Variants in LANCL1 observed in about 807,000 individuals in gnomAD.
LANCL1 encodes glutathione S-transferase LANCL1.
A neutral mutation model predicts 50.6 loss-of-function variants in LANCL1; 50 were observed. The observed-to-expected ratio is 0.99, with a 90% CI of 0.79 to 1.25. The LOEUF (loss-of-function observed/expected upper bound fraction) is 1.25, where lower values mean the gene tolerates loss of function less well. LANCL1 is among the 50% of genes most tolerant of loss of function. The pLI is 0.00. For missense variants in LANCL1, 532 were observed against 480.7 expected, an observed-to-expected ratio of 1.11 and a Z score of -1.00; for synonymous variants, 188 against 178.6, an observed-to-expected ratio of 1.05 and a Z score of -0.42.
At chr2:210,441,167 G>T in intron 5 of LANCL1, 141 bp downstream of exon 5, 1 of 813,016 alleles carries the variant, frequency 1.2e-6, no homozygotes. Flanking sequence ...TTGGTTCTTG[G>T]ACTGTGCCCA....
chr2:210,459,079 T>G (rs1450672791), intron 3 of LANCL1, among the ~76,000 whole-genome samples: 7 of 152,158 alleles, frequency 4.6e-5, no homozygotes, highest in Admixed American at 4.6e-4. Context: ...TCCCTTCATC[T>G]TCTCTTCTAG....
intron 2 of LANCL1, among the ~76,000 whole-genome samples, chr2:210,474,386 G>T (rs1694298685): frequency 1.3e-5 from 2 of 152,084 alleles, no homozygotes; most frequent in African/African-American, 2.4e-5. Flanking sequence ...TCTTGGGTCA[G>T]GGTTTAAATT....
intron 6 of LANCL1, among the ~76,000 whole-genome samples, chr2:210,439,475 G>T (rs1298054879): frequency 6.6e-6 from 1 of 151,206 alleles, no homozygotes; most frequent in Non-Finnish European, 1.5e-5. Context: ...TGAAACTTCA[G>T]AAGACTCTTC....
chr2:210,474,475 G>C (rs1694300808), intron 2 of LANCL1, among the ~76,000 whole-genome samples: 1 of 151,922 alleles, frequency 6.6e-6, no homozygotes, highest in African/African-American at 2.4e-5. Flanking sequence ...CGGCACTTTG[G>C]GAGGCTGAGA....
At chr2:210,438,644 T>C (rs930025929) in intron 6 of LANCL1, among the ~76,000 whole-genome samples, 1 of 152,114 alleles carries the variant, frequency 6.6e-6, no homozygotes, top group African/African-American at 2.4e-5. Flanking sequence ...GTATTTTCAA[T>C]AGAAAAAGGA....
intron 4 of LANCL1, chr2:210,442,397 T>A (rs1693169456): frequency 3.9e-5 from 6 of 152,224 alleles, no homozygotes; most frequent in African/African-American, 1.2e-4. Context: ...CAATACATCT[T>A]GACAATGGTT....
chr2:210,467,016 C>G (rs985366792), intron 3 of LANCL1, among the ~76,000 whole-genome samples: 11 of 152,008 alleles, frequency 7.2e-5, no homozygotes, highest in Admixed American at 7.2e-4. Flanking sequence ...AGCTAATAGA[C>G]GCCACACCAG....
chr2:210,446,844 A>T (rs1285309493), intron 4 of LANCL1, among the ~76,000 whole-genome samples: 1 of 151,966 alleles, frequency 6.6e-6, no homozygotes, highest in East Asian at 1.9e-4. Context: ...CCAAGAAATA[A>T]CGGACTATGT....
In LANCL1 at chr2:210,437,771, A is replaced by C. The variant is rs1391745618; in HGVS notation, c.792T>G (p.Cys264Trp). 1.2e-6 allele frequency: 2 copies of C among 1,613,478 alleles called. No individual in the cohort carries two copies. Among genetic ancestry groups the C allele is most frequent in the Non-Finnish European group, 1.7e-6 (2 of 1,179,674 alleles). ...LKFPSGNYPP[C>W]IGDNRDLLVH... ...CAAGCAGATCTCGATTATCACCTAT[A>C]CATGGAGGGTAATTGCCAGAAGGGA... Residue 264 changes from cysteine (C) to tryptophan (W), a missense_variant, in exon 7 of 10, where the codon TGT becomes TGG. By Grantham distance (215) the Cys-to-Trp change is radical (BLOSUM62 -2). Coordinates refer to ENST00000450366, the MANE Select transcript of LANCL1 (RefSeq NM_006055.3).
Position 210,436,353 on chromosome 2 carries a change from A to G in LANCL1, c.913T>C (p.Cys305Arg), listed in dbSNP as rs200558329. The G allele has an allele frequency of 1.7e-5, 28 of 1,614,052 alleles. No homozygotes were observed. In the East Asian group the frequency reaches 6.2e-4, roughly 36 times the overall value. The change falls in exon 8 of 10, where the codon TGT becomes CGT. Residue 305 changes from cysteine to arginine, a missense_variant. By Grantham distance (180) the Cys-to-Arg change is radical. Transcript: ENST00000450366. ...CCATATTGCCAGATCACATCAGCAC[A>G]CTGATAGGCATCACAGAGATACTTT... ...EEKYLCDAYQ[C>R]ADVIWQYGLL...
At chr2:210,441,556 A>G (rs1693135765) in intron 4 of LANCL1, 113 bp from the exon 5 acceptor site, 2 of 779,010 alleles carry the variant, frequency 2.6e-6, no homozygotes, top group Non-Finnish European at 4.0e-6. Flanking sequence ...GTATTTATAC[A>G]TATATAATAT....
chr2:210,461,489 C>G (rs112068815), intron 3 of LANCL1, among the ~76,000 whole-genome samples: 2,476 of 152,214 alleles, frequency 0.016, 52 homozygotes, highest in Middle Eastern at 0.054. Flanking sequence ...AACTAATACC[C>G]ACATGTGAAA....
At chr2:210,443,606 A>T (rs1380348740) in intron 4 of LANCL1, among the ~76,000 whole-genome samples, 1 of 152,200 alleles carries the variant, frequency 6.6e-6, no homozygotes, top group African/African-American at 2.4e-5. Flanking sequence ...ATGGAAATTT[A>T]ATTTTAAAGT....
intron 7 of LANCL1, 94 bp from the exon 8 acceptor site, chr2:210,436,486 G>A: frequency 9.9e-6 from 12 of 1,215,596 alleles, no homozygotes; most frequent in Non-Finnish European, 1.3e-5. Flanking sequence ...AGAGGGAGAT[G>A]GCTTGGCAAG....
intron 2 of LANCL1, among the ~76,000 whole-genome samples, chr2:210,475,328 CT>C (rs1694325209): frequency 6.6e-6 from 1 of 152,022 alleles, no homozygotes; most frequent in Non-Finnish European, 1.5e-5. Flanking sequence ...ATTTTCAAAA[CT>C]AAATTTTATT....
In LANCL1 at chr2:210,431,583, T is replaced by C. The variant is rs1692747356; in HGVS notation, c.*2904A>G. The C allele has an allele frequency of 6.6e-6, 1 of 152,148 alleles. No individual in the cohort carries two copies. The highest frequency in any genetic ancestry group is 2.1e-4 in the South Asian group (1 of 4,820). The allele number at this position is 152,148 out of a possible 1,614,324, so 9.4% of individuals were successfully genotyped here. The stretch of plus-strand genomic sequence containing the variant: ...TCACATTTTCTATTTCTAAAGTAGC[T>C]AGTAAAAGGCAGGGCATCGTAAGAT... On this transcript the variant is annotated 3_prime_UTR_variant, in exon 10 of 10. Coordinates refer to ENST00000450366, the MANE Select transcript of LANCL1 (RefSeq NM_006055.3).
At chr2:210,456,614 T>G (rs1693681427) in intron 3 of LANCL1, among the ~76,000 whole-genome samples, 3 of 152,082 alleles carry the variant, frequency 2.0e-5, no homozygotes, top group Non-Finnish European at 4.4e-5. Flanking sequence ...AAATGATTGA[T>G]GTCAAGAGCT....
At chr2:210,473,445 A>T (rs1694276530) in intron 2 of LANCL1, among the ~76,000 whole-genome samples, 1 of 152,220 alleles carries the variant, frequency 6.6e-6, no homozygotes, top group Non-Finnish European at 1.5e-5. Context: ...AATTTTAAGA[A>T]CTTGCTGTGA....
At chr2:210,445,678 C>T (rs914479461) in intron 4 of LANCL1, among the ~76,000 whole-genome samples, 1 of 152,032 alleles carries the variant, frequency 6.6e-6, no homozygotes, top group Non-Finnish European at 1.5e-5. Context: ...TTTTCAGAAA[C>T]TCTCAAACTA....
Sources: gnomAD v4.1 joint callset for allele counts (sites outside exome capture counted in the v4.1 genomes callset) on GRCh38, gnomAD v4.1.1 for gene constraint, MANE v1.5 for transcripts, NCBI Gene and HGNC (gene_info 2026-07-23, HGNC 2026-07-21) for gene names.